The following PIGM variants were observed in gnomAD, a reference collection of about 807,000 sequenced individuals.
The protein encoded by PIGM is GPI alpha-1,4-mannosyltransferase I, catalytic subunit.
In PIGM, 7 loss-of-function variants were observed where a neutral mutation model predicts 14.6. The observed-to-expected ratio is 0.48, with a 90% CI of 0.27 to 0.90. The LOEUF (loss-of-function observed/expected upper bound fraction) is 0.90, where lower values mean the gene tolerates loss of function less well. PIGM is among the 40% of genes least tolerant of loss of function. PIGM has a pLI of 0.12. For synonymous variants in PIGM, 216 were observed against 215.9 expected (o/e 1.00, Z 0.00); for missense variants, 506 against 516.2 (o/e 0.98, Z 0.19).
chr1:160,030,640 C>G lies in PIGM; in HGVS notation c.1100G>C (p.Gly367Ala). 1 of 1,614,136 alleles carries G rather than the reference C, an allele frequency of 6.2e-7. No homozygotes were observed. Among genetic ancestry groups the G allele is most frequent in the Non-Finnish European group, 8.5e-7 (1 of 1,180,036 alleles). Residue 367 changes from glycine to alanine, a missense_variant, in exon 1 of 1, where the codon GGG becomes GCG. Coordinates refer to ENST00000368090, the MANE Select transcript of PIGM (RefSeq NM_145167.3). ...GGCAGGAGCCAGCCACATGGCCTGC[C>G]CTATAAACCATAACATTAGGAGAAC... is the stretch of plus-strand genomic sequence containing the variant. ...AVVLLMLWFI[G>A]QAMWLAPAYV...
Position 160,026,135 on chromosome 1 carries a change from GAATT to G in PIGM, c.*4329_*4332del, listed in dbSNP as rs759164247. 24 of 152,106 alleles carry G rather than the reference GAATT, an allele frequency of 1.6e-4. No homozygotes were observed. Among genetic ancestry groups the G allele is most frequent in the Non-Finnish European group, 3.2e-4 (22 of 68,004 alleles). The allele number at this position is 152,106 out of a possible 1,614,324, so 9.4% of individuals were successfully genotyped here. A position where few individuals can be genotyped will look rare whatever the true frequency, so the allele number is the denominator to read the frequency against. ...GAGACAGAAAGTATGACACACAAAA[GAATT>G]AATTTGTTCAACTTTGATGGAAGGT... is the stretch of plus-strand genomic sequence containing the variant. On this transcript the variant is annotated 3_prime_UTR_variant, in exon 1 of 1. Transcript: ENST00000368090.
In PIGM at chr1:160,030,684, C is replaced by T. The variant is rs1206835700; in HGVS notation, c.1056G>A (p.Met352Ile). 2 of 1,614,128 alleles carry T rather than the reference C, an allele frequency of 1.2e-6. No individual in the cohort carries two copies. The highest frequency in any genetic ancestry group is 3.3e-5 in the Admixed American group (2 of 60,024). The change falls in exon 1 of 1, where the codon ATG (methionine) becomes ATA (isoleucine). Residue 352 changes from methionine (M) to isoleucine (I), a missense_variant. Met to Ile is a conservative substitution (Grantham distance 10). Coordinates refer to ENST00000368090, the MANE Select transcript of PIGM (RefSeq NM_145167.3). The stretch of plus-strand genomic sequence containing the variant: ...GGAGAACTACAGCTCTTTTCCAAGG[C>T]ATTCTGACTAGTGGCATCACAAGAG... ...LLPLVMPLVR[M>I]PWKRAVVLLM...
rs188582532 is a variant in PIGM at position 160,025,969 on chromosome 1, T to C, written c.*4499A>G. 1 of 152,306 alleles carries C rather than the reference T, an allele frequency of 6.6e-6. No individual in the cohort carries two copies. The highest frequency in any genetic ancestry group is 1.9e-4 in the East Asian group (1 of 5,184). The allele number at this position is 152,306 out of a possible 1,614,324, so 9.4% of individuals were successfully genotyped here. ...CATGAAAAATTTACCATCATCAAGATGTAAAATAATTAGCTGTTGTTGTTG... is the reference window on the plus strand; with the variant it reads ...CATGAAAAATTTACCATCATCAAGACGTAAAATAATTAGCTGTTGTTGTTG... On this transcript the variant is annotated 3_prime_UTR_variant, in exon 1 of 1. Coordinates refer to ENST00000368090, the MANE Select transcript of PIGM (RefSeq NM_145167.3).
In PIGM at chr1:160,031,697, T is replaced by G. The variant is rs746204207; in HGVS notation, c.43A>C (p.Lys15Gln). 1.2e-6 allele frequency: 2 copies of G among 1,614,038 alleles called. No homozygotes were observed. The highest frequency in any genetic ancestry group is 1.7e-6 in the Non-Finnish European group (2 of 1,180,006). The change falls in exon 1 of 1, where the codon AAG becomes CAG. Residue 15 changes from lysine to glutamine, a missense_variant. By Grantham distance (53) the Lys-to-Gln change is moderately conservative. Transcript: ENST00000368090. ...CCAAAGACGCCGGCTGGAGCCACCT[T>G]CAAGTTCAGGAGCCATTCGCCCCAG... ...KHWGEWLLNLKVAPAGVFGVA... is the reference protein window; with the variant it reads ...KHWGEWLLNLQVAPAGVFGVA...
Position 160,025,188 on chromosome 1 carries a change from A to C in PIGM, c.*5280T>G, listed in dbSNP as rs1275222037. On this transcript the variant is annotated 3_prime_UTR_variant, in exon 1 of 1. Transcript: ENST00000368090. ...ATGCACACTTTGAGCATATCAACTC[A>C]CTTAATCCTTACCAACAATTCTATG... 6.6e-6 allele frequency: 1 copy of C among 152,232 alleles called. No individual in the cohort carries two copies. Among genetic ancestry groups the C allele is most frequent in the Non-Finnish European group, 1.5e-5 (1 of 68,034 alleles). The allele number at this position is 152,232 out of a possible 1,614,324, so 9.4% of individuals were successfully genotyped here.
In PIGM at chr1:160,031,029, C is replaced by T. The variant is rs756728442; in HGVS notation, c.711G>A (p.Thr237=). 5 of 1,613,962 alleles carry T rather than the reference C, an allele frequency of 3.1e-6. No homozygotes were observed. Among genetic ancestry groups the T allele is most frequent in the Non-Finnish European group, 1.7e-6 (2 of 1,180,022 alleles). ...AAAAACCAAAGCTCAGGGCAAAAAACGTGAGTCCAGCAACTGCTACAAACA... is the reference window on the plus strand; with the variant it reads ...AAAAACCAAAGCTCAGGGCAAAAAATGTGAGTCCAGCAACTGCTACAAACA... ...VLLFVAVAGL[T]FFALSFGFYY... The change falls in exon 1 of 1, where the codon ACG becomes ACA. Residue 237 remains threonine (T), a synonymous_variant. Coordinates refer to ENST00000368090, the MANE Select transcript of PIGM (RefSeq NM_145167.3).
In PIGM at chr1:160,031,771, G is replaced by C; in HGVS notation, c.-32C>G. On this transcript the variant is annotated 5_prime_UTR_variant, in exon 1 of 1. Transcript: ENST00000368090. Reference sequence around the variant, plus strand: ...ACCGTGCGACAGCTGCTTAGCCCCAGCTCCAAACTGCCTTCGTACTTCTAA... The same window carrying C: ...ACCGTGCGACAGCTGCTTAGCCCCACCTCCAAACTGCCTTCGTACTTCTAA... 7.4e-6 allele frequency: 12 copies of C among 1,612,984 alleles called. No homozygotes were observed. The highest frequency in any genetic ancestry group is 1.0e-5 in the Non-Finnish European group (12 of 1,179,446).
chr1:160,031,093 T>C lies in PIGM; in HGVS notation c.647A>G (p.Tyr216Cys). ...QFRYTFQACLYELLKRLCNRA... is the reference protein window; with the variant it reads ...QFRYTFQACLCELLKRLCNRA... ...ATTACACAGCCTTTTCAGGAGCTCG[T>C]ACAAACAAGCCTGGAAAGTGTACCG... The change falls in exon 1 of 1, where the codon TAC (tyrosine) becomes TGC (cysteine). Residue 216 changes from tyrosine (Y) to cysteine (C), a missense_variant. Coordinates refer to ENST00000368090, the MANE Select transcript of PIGM (RefSeq NM_145167.3). 2 of 1,614,100 alleles carry C rather than the reference T, an allele frequency of 1.2e-6. No individual in the cohort carries two copies. The highest frequency in any genetic ancestry group is 1.7e-6 in the Non-Finnish European group (2 of 1,180,000).
rs35580584 is a variant in PIGM, at chr1:160,029,892, A to AT, written c.*575dup. On this transcript the variant is annotated 3_prime_UTR_variant, in exon 1 of 1. Transcript: ENST00000368090. ...AGGGGTGCACCACAACACCTGGCTA[A>AT]TTTTTTTTTTTTTTTTTGAGACTAG... The AT allele has an allele frequency of 0.41, 51,087 of 125,902 alleles. 10,750 individuals are homozygous for AT. The highest frequency in any genetic ancestry group is 0.47 in the Admixed American group (5,712 of 12,092). The allele number at this position is 125,902 out of a possible 1,614,324, so 7.8% of individuals were successfully genotyped here.
At position 160,028,459 on chromosome 1, in the gene PIGM, T is replaced by C. The variant is rs1648233983; in HGVS notation, c.*2009A>G. 6.6e-6 allele frequency: 1 copy of C among 152,170 alleles called. No individual in the cohort carries two copies. Among genetic ancestry groups the C allele is most frequent in the Non-Finnish European group, 1.5e-5 (1 of 68,030 alleles). The allele number at this position is 152,170 out of a possible 1,614,324, so 9.4% of individuals were successfully genotyped here. A position where few individuals can be genotyped will look rare whatever the true frequency, so the allele number is the denominator to read the frequency against. ...CCTCAGCAACTGACTCTGCTATTTT[T>C]ACCCCAAACAGGAGCCCATACAAAA... is the stretch of plus-strand genomic sequence containing the variant. On this transcript the variant is annotated 3_prime_UTR_variant, in exon 1 of 1. Transcript: ENST00000368090.
rs1280105420 is a variant in PIGM, at chr1:160,030,435, T to C, written c.*33A>G. The stretch of plus-strand genomic sequence containing the variant: ...TCTGGTCCATACAAGACAATCAGAA[T>C]GTAACACAGTAGCAGAGGGTGTGGA... On this transcript the variant is annotated 3_prime_UTR_variant, in exon 1 of 1. Transcript: ENST00000368090. The C allele has an allele frequency of 2.3e-5, 37 of 1,578,942 alleles. No individual in the cohort carries two copies. The highest frequency in any genetic ancestry group is 3.0e-5 in the Non-Finnish European group (35 of 1,148,774).
At position 160,027,530 on chromosome 1, in the gene PIGM, T is replaced by C. The variant is rs998554068; in HGVS notation, c.*2938A>G. On this transcript the variant is annotated 3_prime_UTR_variant, in exon 1 of 1. Transcript: ENST00000368090. Reference sequence around the variant, plus strand: ...AAGGCAATTACAGAAGAAAATGTCATGTAGTTCCCTCTGTTCAGAACACAC... The same window carrying C: ...AAGGCAATTACAGAAGAAAATGTCACGTAGTTCCCTCTGTTCAGAACACAC... 4 of 152,218 alleles carry C rather than the reference T, an allele frequency of 2.6e-5. No homozygotes were observed. The highest frequency in any genetic ancestry group is 1.9e-4 in the East Asian group (1 of 5,198). 9.4% of individuals were successfully genotyped at this position (152,218 alleles called of 1,614,324 possible). A position where few individuals can be genotyped will look rare whatever the true frequency, so the allele number is the denominator to read the frequency against.
At position 160,031,424 on chromosome 1, in the gene PIGM, T is replaced by G. The variant is rs1571260827; in HGVS notation, c.316A>C (p.Thr106Pro). ...KFLFISCDLL[T>P]AFLLYRLLLL... ...AGCAGGCGGTATAAGAGGAAAGCGG[T>G]GAGGAGGTCGCAGCTGATGAAGAGA... The change falls in exon 1 of 1, where the codon ACC becomes CCC. Residue 106 changes from threonine to proline, a missense_variant. Thr to Pro is a conservative substitution (Grantham distance 38). Transcript: ENST00000368090. 1 of 1,609,820 alleles carries G rather than the reference T, an allele frequency of 6.2e-7. No individual in the cohort carries two copies. The highest frequency in any genetic ancestry group is 8.5e-7 in the Non-Finnish European group (1 of 1,176,574).
rs776746363 is a variant in PIGM at position 160,031,900 on chromosome 1, C to T, written c.-161G>A. 6.5e-5 allele frequency: 59 copies of T among 908,414 alleles called. No individual in the cohort carries two copies. Among genetic ancestry groups the T allele is most frequent in the Non-Finnish European group, 7.4e-5 (42 of 563,794 alleles). The allele number at this position is 908,414 out of a possible 1,614,324, so 56.3% of individuals were successfully genotyped here. On this transcript the variant is annotated 5_prime_UTR_variant, in exon 1 of 1. Transcript: ENST00000368090. The stretch of plus-strand genomic sequence containing the variant: ...ATCACATCCGGCATGAAGCCCCGCC[C>T]CCGTACTGCTACCTGTCTCCAGCCC...
Position 160,030,860 on chromosome 1 carries a change from C to A in PIGM, c.880G>T (p.Ala294Ser), listed in dbSNP as rs1399538006. Residue 294 changes from alanine to serine, a missense_variant, in exon 1 of 1, where the codon GCA becomes TCA. Physicochemically the swap from Ala to Ser is moderately conservative, Grantham distance 99 (BLOSUM62 1). Transcript: ENST00000368090. ...SKWSFSLGIA[A>S]FLPQLILLSA... ...AGCAAGATGAGCTGTGGCAGGAATG[C>A]AGCAATTCCCAGGGAAAAACTCCAC... 1.2e-6 allele frequency: 2 copies of A among 1,614,228 alleles called. No homozygotes were observed. Among genetic ancestry groups the A allele is most frequent in the South Asian group, 1.1e-5 (1 of 91,084 alleles).
chr1:160,025,234 A>G lies in PIGM; in HGVS notation c.*5234T>C, dbSNP rs759950026. On this transcript the variant is annotated 3_prime_UTR_variant, in exon 1 of 1. Coordinates refer to ENST00000368090, the MANE Select transcript of PIGM (RefSeq NM_145167.3). ...CTATGAAGATTGTGCTATCATTCCC[A>G]TTTCACAGATAAAAACTAATGTATC... 1.3e-5 allele frequency: 2 copies of G among 152,216 alleles called. No homozygotes were observed. 9.4% of individuals were successfully genotyped at this position (152,216 alleles called of 1,614,324 possible).
chr1:160,030,207 C>A lies in PIGM; in HGVS notation c.*261G>T. 2.4e-6 allele frequency: 1 copy of A among 424,442 alleles called. No homozygotes were observed. Among genetic ancestry groups the A allele is most frequent in the Non-Finnish European group, 4.4e-6 (1 of 228,110 alleles). 26.3% of individuals were successfully genotyped at this position (424,442 alleles called of 1,614,324 possible). ...AGAATGTTTTAGTATCTGATAGTTT[C>A]ATCAGCCTTTCCATTTTCCAATATG... is the stretch of plus-strand genomic sequence containing the variant. On this transcript the variant is annotated 3_prime_UTR_variant, in exon 1 of 1. Coordinates refer to ENST00000368090, the MANE Select transcript of PIGM (RefSeq NM_145167.3).
chr1:160,031,683 G>T lies in PIGM; in HGVS notation c.57C>A (p.Ala19=), dbSNP rs769425691. 1.2e-6 allele frequency: 2 copies of T among 1,614,198 alleles called. No homozygotes were observed. Among genetic ancestry groups the T allele is most frequent in the Non-Finnish European group, 8.5e-7 (1 of 1,180,024 alleles). ...CTAGAAAGGCCACACCAAAGACGCCGGCTGGAGCCACCTTCAAGTTCAGGA... is the reference window on the plus strand; with the variant it reads ...CTAGAAAGGCCACACCAAAGACGCCTGCTGGAGCCACCTTCAAGTTCAGGA... The part of the protein sequence containing the change: ...EWLLNLKVAP[A]GVFGVAFLAR... The change falls in exon 1 of 1, where the codon GCC becomes GCA. Residue 19 remains alanine, a synonymous_variant. Coordinates refer to ENST00000368090, the MANE Select transcript of PIGM (RefSeq NM_145167.3).
chr1:160,031,056 C>CCCGATT lies in PIGM; in HGVS notation c.683_684insAATCGG (p.Leu228_Leu229insIleGly). The CCCGATT allele has an allele frequency of 6.2e-7, 1 of 1,614,212 alleles. No homozygotes were observed. Among genetic ancestry groups the CCCGATT allele is most frequent in the Non-Finnish European group, 8.5e-7 (1 of 1,180,048 alleles). ...TGAGTCCAGCAACTGCTACAAACAG[C>CCCGATT]AGCACAGCCCGATTACACAGCCTTT... On this transcript the variant is annotated inframe_insertion, in exon 1 of 1. Coordinates refer to ENST00000368090, the MANE Select transcript of PIGM (RefSeq NM_145167.3).
Sources: allele counts gnomAD v4.1 joint callset, GRCh38; gene constraint gnomAD v4.1.1; transcripts MANE v1.5; gene names NCBI Gene and HGNC (gene_info 2026-07-23, HGNC 2026-07-21).